MDGA2: variants seen among roughly 807,000 people sequenced by gnomAD.
MDGA2 encodes MAM domain-containing glycosylphosphatidylinositol anchor protein 2.
A neutral mutation model predicts 117.8 loss-of-function variants in MDGA2; 40 were observed. The ratio of observed to expected loss-of-function variants is 0.34; its 90% CI spans 0.26 to 0.44. The LOEUF is 0.44. Among genes scored for constraint, MDGA2 ranks in the 20% least tolerant of loss-of-function variants. The pLI is 1.00. For missense variants in MDGA2, 1,123 were observed against 1,250.6 expected, an observed-to-expected ratio of 0.90 and a Z score of 1.54; for synonymous variants, 452 against 439.0, an observed-to-expected ratio of 1.03 and a Z score of -0.37.
At chr14:47,203,357 T>C (rs1885577470) in intron 3 of MDGA2, among the ~76,000 whole-genome samples, 1 of 151,784 alleles carries the variant, frequency 6.6e-6, no homozygotes, top group South Asian at 2.1e-4. Flanking sequence ...AAGAGATTTG[T>C]TTTGTGGTCC....
intron 5 of MDGA2, 30 bp from the exon 6 acceptor site, chr14:47,097,153 C>T: frequency 6.3e-7 from 1 of 1,599,658 alleles, no homozygotes; most frequent in Non-Finnish European, 8.5e-7. Flanking sequence ...GAACGTGCAC[C>T]TATTTAGATA....
rs529062356 is a variant in MDGA2 at position 47,103,849 on chromosome 14, T to C, written c.926-6726A>G. 2.8e-4 allele frequency among the ~76,000 whole-genome samples: 42 copies of C among 152,310 alleles called. 1 individual carries two copies. Among genetic ancestry groups the C allele is most frequent in the African/African-American group, 9.9e-4 (41 of 41,576 alleles). ...GCATTGCTTGTTCTCCCTAGTGCAA[T>C]AGGTTCCCTACCCATTCATTCATAA... On this transcript the variant is annotated intron_variant, in intron 5 of 16. Coordinates refer to ENST00000399232, the MANE Select transcript of MDGA2 (RefSeq NM_001113498.3).
intron 1 of MDGA2, among the ~76,000 whole-genome samples, chr14:47,615,766 C>T (rs976119133): frequency 6.6e-6 from 1 of 152,100 alleles, no homozygotes; most frequent in Admixed American, 6.6e-5. Context: ...AAACCTCTTC[C>T]CCACCTCACC....
intron 1 of MDGA2, among the ~76,000 whole-genome samples, chr14:47,356,575 C>T (rs1413547045): frequency 1.3e-5 from 2 of 152,144 alleles, no homozygotes; most frequent in Non-Finnish European, 2.9e-5. Context: ...ACATTAACAA[C>T]ATGGTGGAAA....
chr14:47,366,481 C>G (rs1280456055), intron 1 of MDGA2, among the ~76,000 whole-genome samples: 1 of 152,004 alleles, frequency 6.6e-6, no homozygotes, highest in Admixed American at 6.6e-5. Context: ...TCTCTATTAG[C>G]AAGAGCCAAA....
intron 1 of MDGA2, among the ~76,000 whole-genome samples, chr14:47,533,589 A>G (rs1325493801): frequency 6.6e-6 from 1 of 152,182 alleles, no homozygotes; most frequent in Non-Finnish European, 1.5e-5. Flanking sequence ...TCAAAACACC[A>G]CCACATATTA....
chr14:47,622,524 T>C lies in MDGA2; in HGVS notation c.280+51993A>G, dbSNP rs75139666. ...GTAGATGAAGTAGACAAAGTTGATA[T>C]GGAAAGAATGTTTCAGGTAGAGCAG... On this transcript the variant is annotated intron_variant, in intron 1 of 16. Transcript: ENST00000399232. Among the ~76,000 whole-genome samples the C allele has an allele frequency of 6.3e-3, 953 of 152,316 alleles. 12 individuals carry two copies. The highest frequency in any genetic ancestry group is 0.022 in the African/African-American group (901 of 41,564).
intron 2 of MDGA2, among the ~76,000 whole-genome samples, chr14:47,254,698 G>A (rs1459651610): frequency 6.6e-6 from 1 of 152,254 alleles, no homozygotes; most frequent in East Asian, 1.9e-4. Flanking sequence ...GTCTCTGCCT[G>A]TTATCCAGTT....
intron 1 of MDGA2, among the ~76,000 whole-genome samples, chr14:47,557,210 T>C (rs1895701465): frequency 2.0e-5 from 3 of 152,236 alleles, no homozygotes; most frequent in Non-Finnish European, 2.9e-5. Flanking sequence ...CCTGGACTAA[T>C]TTAACCAAGG....
At chr14:47,349,652 T>A (rs188492981) in intron 1 of MDGA2, among the ~76,000 whole-genome samples, 1,960 of 152,184 alleles carry the variant, frequency 0.013, 16 homozygotes, top group Middle Eastern at 0.027. Context: ...ATTCATTTTT[T>A]AAAAAAAACA....
intron 1 of MDGA2, among the ~76,000 whole-genome samples, chr14:47,635,609 C>T (rs914370308): frequency 6.6e-6 from 1 of 152,122 alleles, no homozygotes; most frequent in Admixed American, 6.5e-5. Flanking sequence ...AGTGCTAATA[C>T]CTTTCTACAA....
chr14:46,927,135 A>G (rs1205685390), intron 9 of MDGA2, among the ~76,000 whole-genome samples: 3 of 152,166 alleles, frequency 2.0e-5, no homozygotes, highest in African/African-American at 7.2e-5. Flanking sequence ...AAAGCCATAT[A>G]AAAGTATGTG....
At position 47,144,165 on chromosome 14, in the gene MDGA2, A is replaced by G. The variant is rs1882840393; in HGVS notation, c.705T>C (p.Pro235=). ...GGCCACGTCTCCAGCTATACCGAAC[A>G]GGAGGATTGGAATTGGCAACACACC... The part of the protein sequence containing the change: ...FLRCVANSNP[P]VRYSWRRGQE... Residue 235 remains proline, a synonymous_variant, in exon 4 of 17, where the codon CCT becomes CCC. Coordinates refer to ENST00000399232, the MANE Select transcript of MDGA2 (RefSeq NM_001113498.3). 3.2e-6 allele frequency: 5 copies of G among 1,551,292 alleles called. No homozygotes were observed. The highest frequency in any genetic ancestry group is 4.4e-6 in the Non-Finnish European group (5 of 1,146,786).
chr14:47,135,973 G>GCTA (rs770722670), intron 4 of MDGA2, among the ~76,000 whole-genome samples: 3 of 151,976 alleles, frequency 2.0e-5, no homozygotes, highest in Non-Finnish European at 4.4e-5. Flanking sequence ...TATTAGAGGG[G>GCTA]CTATGATCGC....
chr14:47,130,383 C>A (rs144139251), intron 5 of MDGA2, among the ~76,000 whole-genome samples: 4 of 152,124 alleles, frequency 2.6e-5, no homozygotes, highest in African/African-American at 9.6e-5. Flanking sequence ...TTCGAGCATT[C>A]TCTAGTTTAA....
intron 1 of MDGA2, among the ~76,000 whole-genome samples, chr14:47,354,485 G>C (rs1361398002): frequency 6.6e-6 from 1 of 152,100 alleles, no homozygotes; most frequent in Admixed American, 6.6e-5. Context: ...CCCACCCAGG[G>C]AGGAGTTTAT....
intron 3 of MDGA2, among the ~76,000 whole-genome samples, chr14:47,161,927 C>CTTTTTTTTTTTT (rs71112489): frequency 1.9e-5 from 1 of 52,472 alleles, no homozygotes; most frequent in Non-Finnish European, 3.5e-5. Flanking sequence ...TCCCCAGATC[C>CTTTTTTTTTTTT]TTTTTTTTTT....
chr14:47,386,172 C>T (rs569037798), intron 1 of MDGA2, among the ~76,000 whole-genome samples: 1 of 152,084 alleles, frequency 6.6e-6, no homozygotes. Context: ...ATCCCAGCTA[C>T]TCAGGAGGCT....
rs745375898 is a variant in MDGA2, at chr14:46,845,841, T to C, written c.2914A>G (p.Ile972Val). 1.2e-6 allele frequency: 2 copies of C among 1,613,444 alleles called. No homozygotes were observed. Among genetic ancestry groups the C allele is most frequent in the South Asian group, 1.1e-5 (1 of 91,064 alleles). Residue 972 changes from isoleucine to valine, a missense_variant, in exon 16 of 17, where the codon ATA (isoleucine) becomes GTA (valine). Ile to Val is a conservative substitution (Grantham distance 29). This residue lies in a region of MDGA2 where 890 missense variants were observed against 1,050.3 expected (regional missense o/e 0.85). Coordinates refer to ENST00000399232, the MANE Select transcript of MDGA2 (RefSeq NM_001113498.3). The stretch of plus-strand genomic sequence containing the variant: ...TCATCAATAGCAATGTCACCTTCTA[T>C]TCCAGGACCTCGGATACCTTCAAAA... Reference protein sequence around the residue: ...LIFEGIRGPGIEGDIAIDDVS... With the variant: ...LIFEGIRGPGVEGDIAIDDVS...
Sources: gnomAD v4.1 joint callset for allele counts (sites outside exome capture counted in the v4.1 genomes callset) on GRCh38, gnomAD v4.1.1 for gene constraint, gnomAD v4.1.1 regional missense constraint, MANE v1.5 for transcripts, NCBI Gene and HGNC (gene_info 2026-07-23, HGNC 2026-07-21) for gene names.